The following QSER1 variants were observed in gnomAD, a reference collection of about 807,000 sequenced individuals.
QSER1 encodes the protein glutamine and serine rich 1.
Under a neutral mutation model 158.5 loss-of-function variants are expected in QSER1, and 49 were observed. The ratio of observed to expected loss-of-function variants is 0.31; its 90% CI spans 0.25 to 0.39. QSER1 has a LOEUF of 0.39. QSER1 is among the 10% of genes least tolerant of loss of function. The pLI is 1.00. For synonymous variants in QSER1, 650 were observed against 715.5 expected, an observed-to-expected ratio of 0.91 and a Z score of 1.46; for missense variants, 1,754 against 2,010.3, an observed-to-expected ratio of 0.87 and a Z score of 2.44.
intron 1 of QSER1, among the ~76,000 whole-genome samples, chr11:32,925,499 TTTA>T (rs760731965): frequency 9.5e-4 from 82 of 85,902 alleles, no homozygotes; most frequent in African/African-American, 1.8e-3. Flanking sequence ...CGCTTTTTTA[TTTA>T]TTTATTTATT....
intron 9 of QSER1, among the ~76,000 whole-genome samples, chr11:32,966,645 G>C (rs1669647120): frequency 2.0e-5 from 3 of 151,964 alleles, no homozygotes; most frequent in Non-Finnish European, 2.9e-5. Flanking sequence ...TCTACTCATG[G>C]GAAAATTGTA....
chr11:32,897,088 G>T (rs957424524), intron 1 of QSER1, among the ~76,000 whole-genome samples: 1 of 152,070 alleles, frequency 6.6e-6, no homozygotes, highest in Non-Finnish European at 1.5e-5. Flanking sequence ...TAAGTCACAC[G>T]TACATTCATT....
chr11:32,958,132 A>G, intron 8 of QSER1, 46 bp downstream of exon 8: 8 of 1,431,952 alleles, frequency 5.6e-6, no homozygotes, highest in Non-Finnish European at 6.9e-6. Flanking sequence ...TAGATTATCT[A>G]CATGAGTGGT....
chr11:32,908,428 G>C (rs1451593048), intron 1 of QSER1, among the ~76,000 whole-genome samples: 1 of 152,048 alleles, frequency 6.6e-6, no homozygotes, highest in Non-Finnish European at 1.5e-5. Context: ...GTCTCTTTTT[G>C]TTGTGAATAC....
In QSER1 at chr11:32,932,804, C is replaced by T. The variant is rs765766930; in HGVS notation, c.1546C>T (p.Pro516Ser). 6.2e-7 allele frequency: 1 copy of T among 1,613,892 alleles called. No individual in the cohort carries two copies. The highest frequency in any genetic ancestry group is 1.1e-5 in the South Asian group (1 of 91,032). ...TTCTGGGTCATCTCAGACTGTAACTCCTGAAAATCAGACGCTTAATTATTC... is the reference window on the plus strand; with the variant it reads ...TTCTGGGTCATCTCAGACTGTAACTTCTGAAAATCAGACGCTTAATTATTC... Reference protein sequence around the residue: ...TFSGSSQTVTPENQTLNYSSN... With the variant: ...TFSGSSQTVTSENQTLNYSSN... The change falls in exon 4 of 13, where the codon CCT (proline) becomes TCT (serine). Residue 516 changes from proline to serine, a missense_variant. Pro to Ser is a moderately conservative substitution (Grantham distance 74). Coordinates refer to ENST00000650167, the MANE Select transcript of QSER1 (RefSeq NM_001076786.3).
At chr11:32,913,179 CTTTTTTTTTTTT>C (rs61685246) in intron 1 of QSER1, among the ~76,000 whole-genome samples, 131 of 54,352 alleles carry the variant, frequency 2.4e-3, no homozygotes, top group African/African-American at 6.4e-3. Context: ...TCTCCTCTTC[CTTTTTTTTTTTT>C]TTTTTTTTTT....
chr11:32,903,830 T>TGGAACTCCTGACCTC (rs1851655424), intron 1 of QSER1, among the ~76,000 whole-genome samples: 7 of 152,330 alleles, frequency 4.6e-5, no homozygotes, highest in Admixed American at 4.6e-4. Context: ...CAGGCTGGTC[T>TGGAACTCCTGACCTC]GGAACTCCTG....
rs1852999061 is a variant in QSER1, at chr11:32,977,561, G to A, written c.*1087G>A. 1 of 152,626 alleles carries A rather than the reference G, an allele frequency of 6.6e-6. No individual in the cohort carries two copies. Among genetic ancestry groups the A allele is most frequent in the East Asian group, 1.9e-4 (1 of 5,206 alleles). The allele number at this position is 152,626 out of a possible 1,614,324, so 9.5% of individuals were successfully genotyped here. ...AACTGATAATTAGACTATTTGCAGT[G>A]TTAAACACAGCTTCCTTAACTCTTA... On this transcript the variant is annotated 3_prime_UTR_variant, in exon 13 of 13. Transcript: ENST00000650167.
intron 1 of QSER1, among the ~76,000 whole-genome samples, chr11:32,917,204 G>T (rs1011154235): frequency 6.6e-6 from 1 of 152,180 alleles, no homozygotes; most frequent in African/African-American, 2.4e-5. Flanking sequence ...GCCTCTTCGT[G>T]GGTGAATAGT....
At chr11:32,913,179 CTTT>C (rs61685246) in intron 1 of QSER1, among the ~76,000 whole-genome samples, 5 of 54,352 alleles carry the variant, frequency 9.2e-5, no homozygotes, top group African/African-American at 1.5e-4. Flanking sequence ...TCTCCTCTTC[CTTT>C]TTTTTTTTTT....
Position 32,934,724 on chromosome 11 carries a change from T to C in QSER1, c.3466T>C (p.Leu1156=). The C allele has an allele frequency of 6.2e-7, 1 of 1,613,796 alleles. No homozygotes were observed. The change falls in exon 4 of 13, where the codon TTA becomes CTA. Residue 1156 remains leucine (L), a synonymous_variant. Coordinates refer to ENST00000650167, the MANE Select transcript of QSER1 (RefSeq NM_001076786.3). ...TGCTACATCAGAGAGTGAATTTACC[T>C]TAGGGGGTGACGACAGTGGTGTGTC... ...ENATSESEFT[L]GGDDSGVSMN... is the part of the protein sequence containing the mutation.
intron 8 of QSER1, among the ~76,000 whole-genome samples, chr11:32,965,673 G>A (rs995179785): frequency 1.3e-5 from 2 of 152,038 alleles, no homozygotes; most frequent in Non-Finnish European, 2.9e-5. Context: ...AGGGCCAAGC[G>A]TGGTGGCTCA....
intron 10 of QSER1, among the ~76,000 whole-genome samples, chr11:32,971,599 A>T (rs146895487): frequency 1.2e-4 from 19 of 152,350 alleles, no homozygotes; most frequent in Non-Finnish European, 2.5e-4. Flanking sequence ...AATAGAAAAC[A>T]CCAGAGTACA....
intron 1 of QSER1, among the ~76,000 whole-genome samples, chr11:32,901,295 A>G (rs573150088): frequency 1.6e-4 from 24 of 152,346 alleles, no homozygotes; most frequent in Admixed American, 5.9e-4. Context: ...ACTGAGAAAA[A>G]TGTCTGATGC....
At position 32,933,594 on chromosome 11, in the gene QSER1, A is replaced by G. The variant is rs2133548880; in HGVS notation, c.2336A>G (p.Asn779Ser). The G allele has an allele frequency of 6.2e-7, 1 of 1,614,064 alleles. No individual in the cohort carries two copies. Among genetic ancestry groups the G allele is most frequent in the Non-Finnish European group, 8.5e-7 (1 of 1,179,952 alleles). ...CTTAACCAACAAATTGGCCAAGTCA[A>G]TAATGCAGCTACCCTTGATCTTAAG... is the stretch of plus-strand genomic sequence containing the variant. ...TQLNQQIGQV[N>S]NAATLDLKNS... The change falls in exon 4 of 13, where the codon AAT becomes AGT. Residue 779 changes from asparagine (N) to serine (S), a missense_variant. This residue lies in a region of QSER1 where 1,707 missense variants were observed against 1,919.6 expected (regional missense o/e 0.89). Transcript: ENST00000650167.
In QSER1 at chr11:32,933,208, A is replaced by G. The variant is rs1375649498; in HGVS notation, c.1950A>G (p.Ser650=). ...QSQKFLPAVQ[S]SSFASSTHCQ... ...AGAAGTTTTTGCCTGCTGTCCAGTCATCATCTTTTGCATCCTCTACTCATT... is the reference window on the plus strand; with the variant it reads ...AGAAGTTTTTGCCTGCTGTCCAGTCGTCATCTTTTGCATCCTCTACTCATT... Residue 650 remains serine, a synonymous_variant, in exon 4 of 13, where the codon TCA becomes TCG. Transcript: ENST00000650167. 2.5e-6 allele frequency: 4 copies of G among 1,614,012 alleles called. No homozygotes were observed. Among genetic ancestry groups the G allele is most frequent in the South Asian group, 2.2e-5 (2 of 91,040 alleles).
At chr11:32,928,395 A>G (rs937037556) in intron 3 of QSER1, among the ~76,000 whole-genome samples, 9 of 152,198 alleles carry the variant, frequency 5.9e-5, no homozygotes, top group Non-Finnish European at 1.0e-4. Flanking sequence ...GTTTATATCT[A>G]GCAATTACTT....
At chr11:32,968,495 C>T (rs1038345093) in intron 9 of QSER1, among the ~76,000 whole-genome samples, 4 of 152,158 alleles carry the variant, frequency 2.6e-5, no homozygotes, top group African/African-American at 9.7e-5. Flanking sequence ...TAATTTTACT[C>T]TCCCCTCTTT....
chr11:32,932,195 C>T lies in QSER1; in HGVS notation c.937C>T (p.Arg313Ter). 1 of 1,614,172 alleles carries T rather than the reference C, an allele frequency of 6.2e-7. No homozygotes were observed. The highest frequency in any genetic ancestry group is 8.5e-7 in the Non-Finnish European group (1 of 1,180,032). The change falls in exon 4 of 13, where the codon CGA becomes TGA. Residue 313 changes from arginine (R) to a stop codon, truncating the protein, a stop_gained. Coordinates refer to ENST00000650167, the MANE Select transcript of QSER1 (RefSeq NM_001076786.3). LOFTEE classifies it high-confidence loss of function. ...TGCTTCCATTGAAAGAGCTCTTCTT[C>T]GAGAATGTAGTGTTATTAAACACCA... ...STASIERALL[R>*]ECSVIKHHQR...
Sources: allele counts gnomAD v4.1 joint callset (sites outside exome capture counted in the v4.1 genomes callset), GRCh38; gene constraint gnomAD v4.1.1; regional missense constraint gnomAD v4.1.1; transcripts MANE v1.5; gene names NCBI Gene and HGNC (gene_info 2026-07-23, HGNC 2026-07-21).